The following DGKB variants were observed in gnomAD, a reference collection of about 807,000 sequenced individuals.
DGKB encodes the protein 90 kDa diacylglycerol kinase.
In DGKB, 67 loss-of-function variants were observed where a neutral mutation model predicts 114.3. That is an observed-to-expected ratio of 0.59 (90% CI 0.48 to 0.72). The LOEUF (loss-of-function observed/expected upper bound fraction) is 0.72. Ranked by LOEUF, DGKB falls within the 30% of genes least tolerant of loss-of-function variation. The pLI is 0.00. For synonymous variants in DGKB, 398 were observed against 323.1 expected (o/e 1.23, Z -2.49); for missense variants, 907 against 975.2 (o/e 0.93, Z 0.93).
intron 20 of DGKB, among the ~76,000 whole-genome samples, chr7:14,519,856 T>C (rs910556253): frequency 6.6e-6 from 1 of 151,988 alleles, no homozygotes; most frequent in Non-Finnish European, 1.5e-5. Context: ...AAATCTTTTG[T>C]GAAATGTCTG....
At chr7:14,714,861 C>A (rs1248347364) in intron 6 of DGKB, among the ~76,000 whole-genome samples, 1 of 152,128 alleles carries the variant, frequency 6.6e-6, no homozygotes, top group African/African-American at 2.4e-5. Flanking sequence ...AAAGGATGGG[C>A]AACCAAAAGT....
At chr7:14,602,376 A>G (rs1803706296) in intron 17 of DGKB, among the ~76,000 whole-genome samples, 1 of 152,194 alleles carries the variant, frequency 6.6e-6, no homozygotes, top group African/African-American at 2.4e-5. Flanking sequence ...TAAGAAGAAC[A>G]CGAATTTTGG....
At chr7:14,365,680 G>C (rs62444580) in intron 21 of DGKB, among the ~76,000 whole-genome samples, 5,205 of 152,044 alleles carry the variant, frequency 0.034, 112 homozygotes, top group South Asian at 0.11. Flanking sequence ...TCTATACCAT[G>C]CCACACTTCA....
At chr7:14,755,423 A>G (rs891202449) in intron 3 of DGKB, among the ~76,000 whole-genome samples, 2 of 152,176 alleles carry the variant, frequency 1.3e-5, no homozygotes, top group Non-Finnish European at 2.9e-5. Flanking sequence ...CATTTTATGT[A>G]AATGATACAA....
intron 20 of DGKB, among the ~76,000 whole-genome samples, chr7:14,493,345 T>C (rs993110460): frequency 6.6e-6 from 1 of 152,090 alleles, no homozygotes; most frequent in African/African-American, 2.4e-5. Flanking sequence ...CTTACATATG[T>C]ACATACCTAT....
chr7:14,769,278 G>GAAAGAAAGAAAGAA lies in DGKB; in HGVS notation c.71-11548_71-11547insTTCTTTCTTTCTTT, dbSNP rs1554265920. Among the ~76,000 whole-genome samples the GAAAGAAAGAAAGAA allele has an allele frequency of 7.3e-3, 563 of 77,116 alleles. 17 individuals carry two copies. Among genetic ancestry groups the GAAAGAAAGAAAGAA allele is most frequent in the African/African-American group, 0.05 (510 of 10,164 alleles). The allele number at this position is 77,116 out of a possible 152,430, so 50.6% of individuals were successfully genotyped here. On this transcript the variant is annotated intron_variant, in intron 2 of 25. Transcript: ENST00000402815. The stretch of plus-strand genomic sequence containing the variant: ...AGAAAGAAAGAAAGAAAGAAAGAAA[G>GAAAGAAAGAAAGAA]AAAGATTTTGTAAAGGAGTTTAGTT...
At chr7:14,715,632 G>A (rs992722338) in intron 6 of DGKB, among the ~76,000 whole-genome samples, 4 of 152,152 alleles carry the variant, frequency 2.6e-5, no homozygotes, top group African/African-American at 9.7e-5. Flanking sequence ...TCAGAGAGAA[G>A]AATTAGGATT....
intron 20 of DGKB, among the ~76,000 whole-genome samples, chr7:14,567,015 A>T (rs1797489584): frequency 7.0e-6 from 1 of 143,088 alleles, no homozygotes; most frequent in Non-Finnish European, 1.5e-5. Flanking sequence ...TTGCTTTTTA[A>T]AAATATCTCC....
At chr7:14,494,019 C>G (rs1366137105) in intron 20 of DGKB, among the ~76,000 whole-genome samples, 1 of 151,130 alleles carries the variant, frequency 6.6e-6, no homozygotes, top group Admixed American at 6.6e-5. Flanking sequence ...TATGCCATAT[C>G]CAATATAAAA....
intron 21 of DGKB, among the ~76,000 whole-genome samples, chr7:14,432,041 A>G (rs921980922): frequency 2.0e-5 from 3 of 152,174 alleles, no homozygotes; most frequent in Non-Finnish European, 4.4e-5. Flanking sequence ...AGAAATATAA[A>G]AACAATGTTG....
chr7:14,895,508 G>A (rs947374683), intron 1 of DGKB, among the ~76,000 whole-genome samples: 1 of 151,564 alleles, frequency 6.6e-6, no homozygotes, highest in Non-Finnish European at 1.5e-5. Context: ...CTAAACATCA[G>A]CTCTTTGTTC....
intron 25 of DGKB, among the ~76,000 whole-genome samples, chr7:14,169,158 G>C (rs1419598251): frequency 6.6e-6 from 1 of 151,102 alleles, no homozygotes; most frequent in Admixed American, 6.6e-5. Context: ...AGGAGATCAA[G>C]ACCACCCTGG....
chr7:14,755,463 AATT>A lies in DGKB; in HGVS notation c.148-1518_148-1516del, dbSNP rs1834734172. On this transcript the variant is annotated intron_variant, in intron 3 of 25. Coordinates refer to ENST00000402815, the MANE Select transcript of DGKB (RefSeq NM_001350709.2). ...TGTTCCTTTTAGAAAACGATGAATT[AATT>A]ATTCATTCCAAATTCAGGTTGCATT... Among the ~76,000 whole-genome samples the A allele has an allele frequency of 3.3e-5, 5 of 152,284 alleles. No homozygotes were observed. In the South Asian group the frequency reaches 8.3e-4, roughly 25 times the overall value.
intron 6 of DGKB, among the ~76,000 whole-genome samples, chr7:14,716,059 AAC>A (rs1394248564): frequency 6.6e-6 from 1 of 152,214 alleles, no homozygotes; most frequent in African/African-American, 2.4e-5. Flanking sequence ...AAACATTGAC[AAC>A]AGTGTAATTC....
chr7:14,767,216 A>G (rs1020167720), intron 2 of DGKB, among the ~76,000 whole-genome samples: 9 of 151,888 alleles, frequency 5.9e-5, no homozygotes, highest in Admixed American at 5.9e-4. Flanking sequence ...AATTAAAAAA[A>G]AAATTTTTAA....
chr7:14,693,745 C>T (rs1449716410), intron 9 of DGKB, among the ~76,000 whole-genome samples: 3 of 151,868 alleles, frequency 2.0e-5, no homozygotes, highest in Non-Finnish European at 4.4e-5. Context: ...CTGCAAAATA[C>T]AATAATACTG....
At chr7:14,323,079 A>G (rs968536829) in intron 23 of DGKB, among the ~76,000 whole-genome samples, 11 of 152,184 alleles carry the variant, frequency 7.2e-5, no homozygotes, top group South Asian at 2.1e-4. Context: ...ATAATCTTCA[A>G]TGATAATGTT....
chr7:14,801,750 T>C (rs75522628), intron 2 of DGKB, among the ~76,000 whole-genome samples: 4 of 152,014 alleles, frequency 2.6e-5, no homozygotes, highest in East Asian at 1.9e-4. Context: ...AGAAGGCACA[T>C]TGAGGGACTT....
At chr7:14,256,716 T>C (rs564983946) in intron 23 of DGKB, among the ~76,000 whole-genome samples, 2 of 152,290 alleles carry the variant, frequency 1.3e-5, no homozygotes, top group Non-Finnish European at 2.9e-5. Context: ...AGAAGAGATG[T>C]AGACAGATTC....
Sources: allele counts gnomAD v4.1 joint callset (sites outside exome capture counted in the v4.1 genomes callset), GRCh38; gene constraint gnomAD v4.1.1; transcripts MANE v1.5; gene names NCBI Gene and HGNC (gene_info 2026-07-23, HGNC 2026-07-21).